Variants in SORCS2 observed in about 807,000 individuals in gnomAD.
SORCS2 encodes the protein sortilin related VPS10 domain containing receptor 2.
SORCS2 carries 100 observed loss-of-function variants against 141.6 expected under a neutral mutation model. The observed-to-expected ratio is 0.71, with a 90% CI of 0.60 to 0.83. The LOEUF is 0.83. Among genes scored for constraint, SORCS2 ranks in the 40% least tolerant of loss-of-function variants. The pLI, the probability that SORCS2 is intolerant of heterozygous loss-of-function variation, is 0.00. For missense variants in SORCS2, 1,646 were observed against 1,560.2 expected (o/e 1.05, Z -0.93); for synonymous variants, 789 against 676.9 (o/e 1.17, Z -2.57).
intron 3 of SORCS2, among the ~76,000 whole-genome samples, chr4:7,611,924 A>G (rs1177670371): frequency 1.3e-5 from 2 of 152,240 alleles, no homozygotes; most frequent in Non-Finnish European, 2.9e-5. Context: ...ATCCATGCCG[A>G]GAGGCCAGGG....
At chr4:7,584,466 A>C (rs1043553943) in intron 3 of SORCS2, among the ~76,000 whole-genome samples, 1 of 152,170 alleles carries the variant, frequency 6.6e-6, no homozygotes, top group East Asian at 1.9e-4. Flanking sequence ...GAACTTAGAC[A>C]CTCTCTAGTG....
intron 3 of SORCS2, among the ~76,000 whole-genome samples, chr4:7,574,920 C>G (rs73214678): frequency 0.19 from 28,255 of 152,212 alleles, 2,858 homozygotes; most frequent in Middle Eastern, 0.27. Context: ...GCAGAAAAGT[C>G]GCCATGTCCC....
chr4:7,496,461 C>A (rs1342184411), intron 2 of SORCS2, among the ~76,000 whole-genome samples: 2 of 79,546 alleles, frequency 2.5e-5, no homozygotes, highest in African/African-American at 7.5e-5. Context: ...GTTCCCCGTC[C>A]CCCGTCCCCC....
chr4:7,526,333 A>G (rs993235850), intron 2 of SORCS2, among the ~76,000 whole-genome samples: 3 of 152,360 alleles, frequency 2.0e-5, no homozygotes, highest in African/African-American at 2.4e-5. Flanking sequence ...TAGTGGCCAC[A>G]TTAAAAAGTG....
chr4:7,332,751 G>C (rs1034487658), intron 1 of SORCS2, among the ~76,000 whole-genome samples: 3 of 152,182 alleles, frequency 2.0e-5, no homozygotes, highest in East Asian at 1.9e-4. Context: ...TTGGCTCCCA[G>C]CGCTGCCTGT....
intron 2 of SORCS2, among the ~76,000 whole-genome samples, chr4:7,397,606 TG>T (rs1332831304): frequency 2.6e-5 from 4 of 152,050 alleles, no homozygotes; most frequent in Non-Finnish European, 5.9e-5. Context: ...TGTGTGCTGG[TG>T]GGGTTGCTTT....
At chr4:7,661,819 C>G (rs1199692120) in intron 6 of SORCS2, among the ~76,000 whole-genome samples, 1 of 152,182 alleles carries the variant, frequency 6.6e-6, no homozygotes, top group Admixed American at 6.5e-5. Flanking sequence ...TGAGTGTTTC[C>G]CACTCACTCA....
chr4:7,491,138 A>C (rs1731293024), intron 2 of SORCS2, among the ~76,000 whole-genome samples: 1 of 151,842 alleles, frequency 6.6e-6, no homozygotes, highest in South Asian at 2.1e-4. Flanking sequence ...CTCCAGTTCT[A>C]AGTTCCCTGT....
intron 3 of SORCS2, among the ~76,000 whole-genome samples, chr4:7,560,673 G>A (rs906707274): frequency 2.0e-5 from 3 of 152,168 alleles, no homozygotes; most frequent in African/African-American, 7.2e-5. Context: ...GGGCTCAGAT[G>A]TCAGGACCAC....
chr4:7,617,460 G>A (rs915741444), intron 3 of SORCS2, among the ~76,000 whole-genome samples: 1 of 152,176 alleles, frequency 6.6e-6, no homozygotes, highest in Non-Finnish European at 1.5e-5. Context: ...TGGGCAAGCA[G>A]GGGTGTGGGG....
chr4:7,564,179 G>A (rs985091102), intron 3 of SORCS2, among the ~76,000 whole-genome samples: 6 of 152,142 alleles, frequency 3.9e-5, no homozygotes, highest in African/African-American at 7.2e-5. Flanking sequence ...GCTTTAAATC[G>A]CTGCTTTTCT....
In SORCS2 at chr4:7,452,766, A is replaced by G. The variant is rs377489216; in HGVS notation, c.548+56411A>G. Among the ~76,000 whole-genome samples, 12 of 152,358 alleles carry G rather than the reference A, an allele frequency of 7.9e-5. No homozygotes were observed. The South Asian group carries it at 1.7e-3, about 21-fold the overall frequency. On this transcript the variant is annotated intron_variant, in intron 2 of 26. Coordinates refer to ENST00000507866, the MANE Select transcript of SORCS2 (RefSeq NM_020777.3). The stretch of plus-strand genomic sequence containing the variant: ...CGGAAAGATGAGGTGAGCAGCGTCC[A>G]GCAGAGCGTAAGAGCTTGGACGTGT...
At chr4:7,512,428 G>C (rs1232381081) in intron 2 of SORCS2, among the ~76,000 whole-genome samples, 1 of 150,878 alleles carries the variant, frequency 6.6e-6, no homozygotes, top group African/African-American at 2.4e-5. Flanking sequence ...AGGGAGGAGG[G>C]GGAAGGGAGG....
chr4:7,491,817 C>A (rs982990632), intron 2 of SORCS2, among the ~76,000 whole-genome samples: 2 of 152,140 alleles, frequency 1.3e-5, no homozygotes, highest in African/African-American at 4.8e-5. Context: ...CTCAGGGCAC[C>A]CATCAGGTCA....
chr4:7,288,613 G>GGAGAGAA (rs1716392177), intron 1 of SORCS2, among the ~76,000 whole-genome samples: 2 of 150,570 alleles, frequency 1.3e-5, no homozygotes, highest in Admixed American at 1.3e-4. Context: ...AGAGGAGAGG[G>GGAGAGAA]GAGAGAAGAG....
At position 7,424,724 on chromosome 4, in the gene SORCS2, G is replaced by A. The variant is rs146439455; in HGVS notation, c.548+28369G>A. Among the ~76,000 whole-genome samples, 246 of 152,300 alleles carry A rather than the reference G, an allele frequency of 1.6e-3. 1 individual carries two copies. Among genetic ancestry groups the A allele is most frequent in the Middle Eastern group, 6.8e-3 (2 of 294 alleles). On this transcript the variant is annotated intron_variant, in intron 2 of 26. Coordinates refer to ENST00000507866, the MANE Select transcript of SORCS2 (RefSeq NM_020777.3). ...CTCAGCAGGACAAAGCAGTGAGGGC[G>A]TGCGGGCACCGTGGTGGGTGTTCTG...
intron 2 of SORCS2, among the ~76,000 whole-genome samples, chr4:7,469,931 A>G (rs550481096): frequency 6.6e-6 from 1 of 152,316 alleles, no homozygotes; most frequent in East Asian, 1.9e-4. Context: ...TTGTTATCAA[A>G]CAATGGGTCT....
At chr4:7,680,101 G>A (rs1448824915) in intron 9 of SORCS2, among the ~76,000 whole-genome samples, 2 of 152,228 alleles carry the variant, frequency 1.3e-5, no homozygotes, top group Non-Finnish European at 2.9e-5. Flanking sequence ...GGTTCTATGA[G>A]CTTGTAAGAC....
intron 1 of SORCS2, among the ~76,000 whole-genome samples, chr4:7,321,588 C>G (rs931799646): frequency 6.6e-6 from 1 of 152,332 alleles, no homozygotes; most frequent in East Asian, 1.9e-4. Flanking sequence ...TGACATCTCA[C>G]AGGGGGGCGG....
Sources: gnomAD v4.1 joint callset for allele counts (sites outside exome capture counted in the v4.1 genomes callset) on GRCh38, gnomAD v4.1.1 for gene constraint, MANE v1.5 for transcripts, NCBI Gene and HGNC (gene_info 2026-07-23, HGNC 2026-07-21) for gene names.